The following PHF24 variants were observed in gnomAD, a reference collection of about 807,000 sequenced individuals.
PHF24 encodes Galpha inhibitory interacting protein.
Under a neutral mutation model 42.6 loss-of-function variants are expected in PHF24, and 25 were observed. The ratio of observed to expected loss-of-function variants is 0.59; its 90% CI spans 0.43 to 0.82. The LOEUF is 0.82. Among genes scored for constraint, PHF24 ranks in the 40% least tolerant of loss-of-function variants. The pLI, the probability that PHF24 is intolerant of heterozygous loss-of-function variation, is 0.00. For missense variants in PHF24, 470 were observed against 538.1 expected (o/e 0.87, Z 1.25); for synonymous variants, 185 against 204.8 (o/e 0.90, Z 0.83).
the PHF24 span, chr9:34,835,471 A>G: frequency 2.6e-6 from 4 of 1,551,956 alleles, no homozygotes; most frequent in South Asian, 2.4e-5. Flanking sequence ...GGAGGACCAT[A>G]TGCAAGGCCA....
the PHF24 span, chr9:34,723,945 A>G: frequency 1.3e-6 from 2 of 1,551,408 alleles, no homozygotes; most frequent in East Asian, 2.4e-5. Flanking sequence ...CTACGGCTCC[A>G]TCGCCAGGAC....
rs114015968 is a variant in PHF24 at position 34,975,444 on chromosome 9, A to G, written c.565-708A>G. ...ATCCACGTATGAATACTCATGAAAT[A>G]TCTGCTCTTGTACTTTGCGGGTATC... On this transcript the variant is annotated intron_variant, in intron 3 of 7. Coordinates refer to ENST00000242315, the Ensembl canonical transcript of PHF24. 2.9e-3 allele frequency among the ~76,000 whole-genome samples: 446 copies of G among 152,360 alleles called. 2 individuals are homozygous for G. The highest frequency in any genetic ancestry group is 0.01 in the African/African-American group (416 of 41,588).
the PHF24 span, among the ~76,000 whole-genome samples, chr9:34,865,981 T>C: frequency 6.6e-6 from 1 of 152,218 alleles, no homozygotes; most frequent in Non-Finnish European, 1.5e-5. Context: ...TTTTGTAACT[T>C]ACTCATGGAA....
the PHF24 span, among the ~76,000 whole-genome samples, chr9:34,859,420 G>A: frequency 6.6e-6 from 1 of 152,164 alleles, no homozygotes. Context: ...CTGGAGAAGT[G>A]GTCAGGCAAG....
the PHF24 span, among the ~76,000 whole-genome samples, chr9:34,831,604 T>C: frequency 1.3e-5 from 2 of 152,140 alleles, no homozygotes; most frequent in South Asian, 4.1e-4. Flanking sequence ...TCTAGGCTCA[T>C]TTTAGCACCA....
chr9:34,689,615 G>T, the PHF24 span: 2 of 590,894 alleles, frequency 3.4e-6, no homozygotes, highest in African/African-American at 3.7e-5. This position sits in a 1 kb window ranked among gnomAD's most constrained non-coding sequence, Gnocchi z 4.1. Context: ...TTGCAATCTG[G>T]GGGTGGAGCA....
the PHF24 span, among the ~76,000 whole-genome samples, chr9:34,915,063 T>G: frequency 7.2e-6 from 1 of 139,688 alleles, no homozygotes; most frequent in Non-Finnish European, 1.5e-5. Context: ...GACAGGGTTT[T>G]ACTTTGTCAC....
the PHF24 span, among the ~76,000 whole-genome samples, chr9:34,739,136 A>G: frequency 6.6e-6 from 1 of 152,216 alleles, no homozygotes; most frequent in Non-Finnish European, 1.5e-5. Context: ...CTAGAGAAGG[A>G]GTAAGAAACC....
chr9:34,720,758 C>T, the PHF24 span, among the ~76,000 whole-genome samples: 1 of 152,168 alleles, frequency 6.6e-6, no homozygotes, highest in African/African-American at 2.4e-5. Flanking sequence ...GCGCAGTCTC[C>T]ATGCATTTAG....
the PHF24 span, among the ~76,000 whole-genome samples, chr9:34,844,089 G>A: frequency 6.6e-6 from 1 of 152,050 alleles, no homozygotes; most frequent in African/African-American, 2.4e-5. Flanking sequence ...GTGAATAATT[G>A]TTCCTGGTAG....
At chr9:34,721,104 C>T in the PHF24 span, among the ~76,000 whole-genome samples, 30 of 152,168 alleles carry the variant, frequency 2.0e-4, no homozygotes, top group African/African-American at 7.0e-4. Flanking sequence ...TTCTCTCTAC[C>T]ACCAGTGAAG....
At chr9:34,838,009 A>G in the PHF24 span, among the ~76,000 whole-genome samples, 61 of 152,314 alleles carry the variant, frequency 4.0e-4, no homozygotes, top group Admixed American at 1.4e-3. Flanking sequence ...TAATACCTAA[A>G]GACTTCAGTT....
At chr9:34,740,162 G>C in the PHF24 span, among the ~76,000 whole-genome samples, 167 of 152,320 alleles carry the variant, frequency 1.1e-3, no homozygotes, top group African/African-American at 3.9e-3. Flanking sequence ...TCAGGAGCCC[G>C]GCTGTCTTCA....
At chr9:34,723,864 G>C in the PHF24 span, 1 of 1,551,600 alleles carries the variant, frequency 6.4e-7, no homozygotes, top group East Asian at 2.4e-5. Context: ...GGGACTCGTG[G>C]AGGTAGCTGT....
the PHF24 span, chr9:34,917,656 A>G: frequency 3.9e-6 from 3 of 778,858 alleles, no homozygotes; most frequent in East Asian, 2.4e-5. Flanking sequence ...CTCAGACTCC[A>G]TATTACTGCA....
chr9:34,977,356 C>T (rs111497336), intron 6 of PHF24, 113 bp downstream of exon 6: 19,245 of 1,343,274 alleles, frequency 0.014, 218 homozygotes, highest in Middle Eastern at 0.037. Context: ...AGAGGAGCCT[C>T]CTGTGCATTA....
the PHF24 span, among the ~76,000 whole-genome samples, chr9:34,704,008 G>T: frequency 7.0e-6 from 1 of 142,300 alleles, no homozygotes; most frequent in East Asian, 2.1e-4. Context: ...ATGAGCCACG[G>T]TTCCTGGCCT....
chr9:34,946,245 T>A, the PHF24 span, among the ~76,000 whole-genome samples: 5 of 152,230 alleles, frequency 3.3e-5, no homozygotes, highest in African/African-American at 7.2e-5. Context: ...GTTGGTGTTA[T>A]TATTAATGGT....
chr9:34,866,803 G>A, the PHF24 span, among the ~76,000 whole-genome samples: 1 of 152,170 alleles, frequency 6.6e-6, no homozygotes, highest in Admixed American at 6.5e-5. Flanking sequence ...CAGTCACCTG[G>A]CAGTAACTTA....
Sources: allele counts gnomAD v4.1 joint callset (sites outside exome capture counted in the v4.1 genomes callset), GRCh38; gene constraint gnomAD v4.1.1; non-coding constraint Gnocchi (gnomAD v3.1); transcripts MANE v1.5; gene names NCBI Gene and HGNC (gene_info 2026-07-23, HGNC 2026-07-21).